Variants in CLTCL1 observed in about 807,000 individuals in gnomAD.
CLTCL1 encodes clathrin heavy chain 2.
CLTCL1 carries 159 observed loss-of-function variants against 190.0 expected under a neutral mutation model. That is an observed-to-expected ratio of 0.84 (90% CI 0.74 to 0.95). CLTCL1 has a LOEUF of 0.95. Ranked by LOEUF, CLTCL1 falls within the 40% of genes least tolerant of loss-of-function variation. The pLI is 0.00. For missense variants in CLTCL1, 1,878 were observed against 2,033.4 expected (o/e 0.92, Z 1.47); for synonymous variants, 752 against 769.6 (o/e 0.98, Z 0.38).
At chr22:19,223,753 G>A (rs1012677005) in intron 14 of CLTCL1, 138 bp downstream of exon 14, 31 of 907,136 alleles carry the variant, frequency 3.4e-5, no homozygotes, top group Non-Finnish European at 4.7e-5. Context: ...AAGCCATAAA[G>A]TGGAGCTCTG....
chr22:19,185,617 C>T lies in CLTCL1; in HGVS notation c.4605+1941G>A, dbSNP rs1480276051. Among the ~76,000 whole-genome samples, 5 of 152,220 alleles carry T rather than the reference C, an allele frequency of 3.3e-5. No homozygotes were observed. The East Asian group carries it at 7.7e-4, about 23-fold the overall frequency. ...CTGGGATTACAGGCATGAGCCAACG[C>T]GCCCGGCCCTGTGCTCGGCCACTTT... is the stretch of plus-strand genomic sequence containing the variant. On this transcript the variant is annotated intron_variant, in intron 29 of 32. Coordinates refer to ENST00000427926, the MANE Select transcript of CLTCL1 (RefSeq NM_007098.4).
intron 31 of CLTCL1, 25 bp downstream of exon 31, chr22:19,180,706 G>A (rs2084104679): frequency 1.9e-6 from 3 of 1,612,152 alleles, no homozygotes; most frequent in Non-Finnish European, 2.5e-6. Context: ...TCCCCAGGGG[G>A]TTGGGGGCTA....
intron 31 of CLTCL1, among the ~76,000 whole-genome samples, 166 bp from the exon 32 acceptor site, chr22:19,180,404 G>T (rs1226001216): frequency 2.0e-5 from 3 of 152,174 alleles, no homozygotes; most frequent in Non-Finnish European, 4.4e-5. Flanking sequence ...AGGCTGCCCT[G>T]GGCAGGTTCT....
chr22:19,193,807 G>C (rs1633396), intron 26 of CLTCL1, among the ~76,000 whole-genome samples: 8,958 of 152,228 alleles, frequency 0.059, 328 homozygotes, highest in Middle Eastern at 0.16. Context: ...CCTTCTGGTG[G>C]GTTCGTGATC....
At chr22:19,241,470 T>C (rs767535596) in intron 4 of CLTCL1, among the ~76,000 whole-genome samples, 8 of 152,208 alleles carry the variant, frequency 5.3e-5, no homozygotes, top group Non-Finnish European at 1.0e-4. Flanking sequence ...GGCTCTCAAA[T>C]GAGGAGGGCA....
At chr22:19,221,662 T>C (rs2085574903) in intron 16 of CLTCL1, 51 bp from the exon 17 acceptor site, 5 of 1,455,862 alleles carry the variant, frequency 3.4e-6, no homozygotes, top group South Asian at 1.2e-5. Flanking sequence ...ACTGGAAGTC[T>C]TGAGGGCAAC....
chr22:19,275,983 G>A (rs1555983158), intron 1 of CLTCL1, among the ~76,000 whole-genome samples, 153 bp from the exon 2 acceptor site: 1 of 150,948 alleles, frequency 6.6e-6, no homozygotes, highest in African/African-American at 2.4e-5. Context: ...TTCTACGCCT[G>A]TAATAGATCC....
Position 19,234,532 on chromosome 22 carries a change from T to C in CLTCL1, c.1144A>G (p.Lys382Glu), listed in dbSNP as rs1256525706. 2.5e-6 allele frequency: 4 copies of C among 1,613,668 alleles called. No homozygotes were observed. The highest frequency in any genetic ancestry group is 3.4e-6 in the Non-Finnish European group (4 of 1,179,788). ...FAQGSYAEAA[K>E]VAASAPKGIL... is the part of the protein sequence containing the mutation. ...ACCTTTGGTGCAGACGCTGCAACTT[T>C]GGCGGCTTCAGCATAGCTGCCCTGT... The change falls in exon 7 of 33, where the codon AAA (lysine) becomes GAA (glutamate). Residue 382 changes from lysine (K) to glutamate (E), a missense_variant. Physicochemically the swap from Lys to Glu is moderately conservative, Grantham distance 56 (BLOSUM62 1). Coordinates refer to ENST00000427926, the MANE Select transcript of CLTCL1 (RefSeq NM_007098.4).
chr22:19,257,984 G>A, intron 2 of CLTCL1: 1 of 611,074 alleles, frequency 1.6e-6, no homozygotes, highest in Non-Finnish European at 2.9e-6. Flanking sequence ...TCTGCACACT[G>A]ACAATGCCCA....
In CLTCL1 at chr22:19,230,097, G is replaced by GTTTTTTTTTTTTT. The variant is rs374875733; in HGVS notation, c.1645-123_1645-122insAAAAAAAAAAAAA. 1.5e-5 allele frequency: 8 copies of GTTTTTTTTTTTTT among 530,318 alleles called. 4 individuals are homozygous for GTTTTTTTTTTTTT. The highest frequency in any genetic ancestry group is 1.1e-5 in the Non-Finnish European group (4 of 361,860). The allele number at this position is 530,318 out of a possible 1,614,324, so 32.9% of individuals were successfully genotyped here. A position where few individuals can be genotyped will look rare whatever the true frequency, so the allele number is the denominator to read the frequency against. On this transcript the variant is annotated intron_variant, in intron 10 of 32. Transcript: ENST00000427926. ...AATTCAGCAATTAGTTCCCTCCCTT[G>GTTTTTTTTTTTTT]GTTTTTTTTTTTTTTTTGAGATGGA...
At chr22:19,236,176 G>A (rs572455457) in intron 5 of CLTCL1, among the ~76,000 whole-genome samples, 30 of 152,194 alleles carry the variant, frequency 2.0e-4, no homozygotes, top group Admixed American at 5.2e-4. Context: ...TGGGAGCAAT[G>A]CTTTCCTGAG....
In CLTCL1 at chr22:19,222,681, T is replaced by C. The variant is rs782432547; in HGVS notation, c.2418+3A>G. 4 of 1,588,540 alleles carry C rather than the reference T, an allele frequency of 2.5e-6. No homozygotes were observed. Among genetic ancestry groups the C allele is most frequent in the Non-Finnish European group, 3.4e-6 (4 of 1,167,328 alleles). ...GGGTGTCACTCCAGGGAGCCAGCAG[T>C]ACCTTCTGCACGTAGATCTCAATGT... On this transcript the variant is annotated splice_donor_region_variant and intron_variant, in intron 15 of 32. Coordinates refer to ENST00000427926, the MANE Select transcript of CLTCL1 (RefSeq NM_007098.4).
At chr22:19,246,817 T>C (rs1193232469) in intron 3 of CLTCL1, among the ~76,000 whole-genome samples, 1 of 152,216 alleles carries the variant, frequency 6.6e-6, no homozygotes, top group African/African-American at 2.4e-5. Flanking sequence ...GCTAATGATG[T>C]CAAGCAAGTC....
At chr22:19,191,476 T>C (rs548041587) in intron 26 of CLTCL1, 41 bp from the exon 27 acceptor site, 1 of 1,606,010 alleles carries the variant, frequency 6.2e-7, no homozygotes, top group Non-Finnish European at 8.5e-7. Context: ...TGCCGCTGTC[T>C]CCAGATACCC....
chr22:19,225,450 T>C lies in CLTCL1; in HGVS notation c.2128+3A>G. 2 of 1,575,386 alleles carry C rather than the reference T, an allele frequency of 1.3e-6. No homozygotes were observed. The highest frequency in any genetic ancestry group is 1.7e-6 in the Non-Finnish European group (2 of 1,159,226). On this transcript the variant is annotated splice_donor_region_variant and intron_variant, in intron 13 of 32. Coordinates refer to ENST00000427926, the MANE Select transcript of CLTCL1 (RefSeq NM_007098.4). ...GGGGTCGGCGAGAGGCTGCATGGTT[T>C]ACCTTTGTAACTCTTGAAGGATTCA...
intron 22 of CLTCL1, among the ~76,000 whole-genome samples, chr22:19,203,433 G>C (rs1555941044): frequency 1.3e-5 from 2 of 152,168 alleles, no homozygotes; most frequent in Non-Finnish European, 2.9e-5. Context: ...CTGTGTGTCT[G>C]TAACAGTTGT....
intron 6 of CLTCL1, among the ~76,000 whole-genome samples, chr22:19,234,960 A>G (rs1230229571): frequency 6.6e-6 from 1 of 152,218 alleles, no homozygotes; most frequent in Non-Finnish European, 1.5e-5. Context: ...GCTACAGCAA[A>G]ATGACCTATG....
chr22:19,273,752 C>T (rs2087402203), intron 2 of CLTCL1, among the ~76,000 whole-genome samples: 2 of 152,066 alleles, frequency 1.3e-5, no homozygotes, highest in African/African-American at 4.8e-5. Context: ...CACTTGCTGC[C>T]AACATCCAAT....
Position 19,210,500 on chromosome 22 carries a change from C to T in CLTCL1, c.3075G>A (p.Gln1025=). The change falls in exon 20 of 33, where the codon CAG becomes CAA. Residue 1025 remains glutamine, a synonymous_variant. Transcript: ENST00000427926. ...NSVFSEHRNL[Q]NLLILTAIKA... ...TGATGGCAGTCAGGATCAACAGATT[C>T]TGTAGATTCCTGAGGAGAGAGGGTG... is the stretch of plus-strand genomic sequence containing the variant. 4 of 1,613,348 alleles carry T rather than the reference C, an allele frequency of 2.5e-6. No individual in the cohort carries two copies. Among genetic ancestry groups the T allele is most frequent in the Non-Finnish European group, 3.4e-6 (4 of 1,179,608 alleles).
Sources: allele counts gnomAD v4.1 joint callset (sites outside exome capture counted in the v4.1 genomes callset), GRCh38; gene constraint gnomAD v4.1.1; transcripts MANE v1.5; gene names NCBI Gene and HGNC (gene_info 2026-07-23, HGNC 2026-07-21).